The following CSRNP3 variants were observed in gnomAD, a reference collection of about 807,000 sequenced individuals.
CSRNP3 encodes the protein cysteine and serine rich nuclear protein 3.
Under a neutral mutation model 48.0 loss-of-function variants are expected in CSRNP3, and 12 were observed. The ratio of observed to expected loss-of-function variants is 0.25; its 90% CI spans 0.16 to 0.41. The LOEUF (loss-of-function observed/expected upper bound fraction) is 0.41. CSRNP3 is among the 10% of genes least tolerant of loss of function. The pLI is 1.00. For missense variants in CSRNP3, 580 were observed against 724.4 expected (o/e 0.80, Z 2.29); for synonymous variants, 263 against 269.7 (o/e 0.98, Z 0.24).
At chr2:165,665,572 G>A (rs573451405) in intron 5 of CSRNP3, among the ~76,000 whole-genome samples, 2 of 152,154 alleles carry the variant, frequency 1.3e-5, no homozygotes, top group African/African-American at 2.4e-5. Flanking sequence ...ACCAGCCTGG[G>A]CAACATAGTG....
intron 5 of CSRNP3, among the ~76,000 whole-genome samples, chr2:165,662,622 C>T (rs759062359): frequency 6.6e-5 from 10 of 152,164 alleles, no homozygotes; most frequent in Non-Finnish European, 1.3e-4. Flanking sequence ...TCCCAATTCA[C>T]ATGTATCTGT....
chr2:165,673,114 T>C (rs1394872214), intron 5 of CSRNP3, among the ~76,000 whole-genome samples: 1 of 138,650 alleles, frequency 7.2e-6, no homozygotes, highest in Non-Finnish European at 1.5e-5. Context: ...TGAGCAAGAG[T>C]GAAACAGTAT....
chr2:165,606,738 C>A (rs1686034311), intron 4 of CSRNP3, among the ~76,000 whole-genome samples: 1 of 152,036 alleles, frequency 6.6e-6, no homozygotes, highest in Non-Finnish European at 1.5e-5. Flanking sequence ...AATTGAATAG[C>A]CGGATGTACA....
Position 165,481,855 on chromosome 2 carries a change from C to T in CSRNP3, c.-283+12115C>T, listed in dbSNP as rs1266162840. ...CAGAAAACCAAATACCGCATGTTCT[C>T]ACTTTTAAGTGGGAGCTAAATACTG... On this transcript the variant is annotated intron_variant, in intron 1 of 6. Transcript: ENST00000651982. 2.0e-5 allele frequency among the ~76,000 whole-genome samples: 3 copies of T among 152,108 alleles called. No homozygotes were observed. In the East Asian group the frequency reaches 5.8e-4, roughly 29 times the overall value.
intron 4 of CSRNP3, among the ~76,000 whole-genome samples, chr2:165,619,771 C>T (rs1686309789): frequency 6.6e-6 from 1 of 152,092 alleles, no homozygotes. Flanking sequence ...ATATAACCAC[C>T]TAAGTCAGAG....
chr2:165,478,031 G>A (rs1412239056), intron 1 of CSRNP3, among the ~76,000 whole-genome samples: 1 of 134,616 alleles, frequency 7.4e-6, no homozygotes, highest in Non-Finnish European at 1.7e-5. Flanking sequence ...AGAGAGAGAG[G>A]GAAAGGAAGG....
chr2:165,599,283 G>GAGAGAAAGAAAGAAAGAAAGAA lies in CSRNP3; in HGVS notation c.148+4073_148+4074insGAAAGAAAGAAAGAAAGAAAGA, dbSNP rs1553478328. On this transcript the variant is annotated intron_variant, in intron 4 of 6. Transcript: ENST00000651982. ...AAAGAAAAAGAAAGAAAGAGAGAGA[G>GAGAGAAAGAAAGAAAGAAAGAA]AGAAAGAAAGAAAGAAAGAAAGAAA... 5.7e-5 allele frequency among the ~76,000 whole-genome samples: 6 copies of GAGAGAAAGAAAGAAAGAAAGAA among 104,834 alleles called. No individual in the cohort carries two copies. The East Asian group carries it at 1.3e-3, about 23-fold the overall frequency. 68.8% of individuals were successfully genotyped at this position (104,834 alleles called of 152,430 possible). A position where few individuals can be genotyped will look rare whatever the true frequency, so the allele number is the denominator to read the frequency against.
intron 5 of CSRNP3, among the ~76,000 whole-genome samples, chr2:165,663,245 A>G (rs1687125871): frequency 1.3e-5 from 2 of 152,172 alleles, no homozygotes; most frequent in Non-Finnish European, 2.9e-5. Flanking sequence ...GTTATTAACT[A>G]TTTCCCCATA....
At position 165,540,660 on chromosome 2, in the gene CSRNP3, GT is replaced by G. The variant is rs1484850776; in HGVS notation, c.-24+22701del. ...TGATCTTTCCCATTTTATGGCACCAGTTCTTTTTTTTCCCCAGGAATCCCTG... is the reference window on the plus strand; with the variant it reads ...TGATCTTTCCCATTTTATGGCACCAGTCTTTTTTTTCCCCAGGAATCCCTG... On this transcript the variant is annotated intron_variant, in intron 3 of 6. Transcript: ENST00000651982. Among the ~76,000 whole-genome samples, 4 of 65,906 alleles carry G rather than the reference GT, an allele frequency of 6.1e-5. No individual in the cohort carries two copies. In the East Asian group the frequency reaches 1.5e-3, roughly 24 times the overall value. 43.2% of individuals were successfully genotyped at this position (65,906 alleles called of 152,430 possible).
At chr2:165,662,010 G>A (rs1196501760) in intron 5 of CSRNP3, among the ~76,000 whole-genome samples, 1 of 151,918 alleles carries the variant, frequency 6.6e-6, no homozygotes, top group Non-Finnish European at 1.5e-5. Flanking sequence ...TCCAAATAGA[G>A]AACACATTTA....
At chr2:165,651,276 G>A (rs1686898179) in intron 4 of CSRNP3, among the ~76,000 whole-genome samples, 1 of 152,164 alleles carries the variant, frequency 6.6e-6, no homozygotes, top group Non-Finnish European at 1.5e-5. Context: ...AAATAAAATT[G>A]ACAAGTCAGG....
At chr2:165,630,493 A>C (rs571014147) in intron 4 of CSRNP3, among the ~76,000 whole-genome samples, 7 of 152,278 alleles carry the variant, frequency 4.6e-5, no homozygotes, top group African/African-American at 1.4e-4. Context: ...CATGGCATTA[A>C]CTGCAGTGAG....
chr2:165,657,864 G>T lies in CSRNP3; in HGVS notation c.252G>T (p.Val84=). The T allele has an allele frequency of 1.2e-6, 2 of 1,614,088 alleles. No individual in the cohort carries two copies. The highest frequency in any genetic ancestry group is 8.5e-7 in the Non-Finnish European group (1 of 1,180,016). ...YFTRRQGFTS[V]PSQGGSTLGM... Reference sequence around the variant, plus strand: ...CCAGGAGGCAAGGCTTCACAAGTGTGCCCAGTCAAGGGGGAAGCACCCTGG... The same window carrying T: ...CCAGGAGGCAAGGCTTCACAAGTGTTCCCAGTCAAGGGGGAAGCACCCTGG... The change falls in exon 5 of 7, where the codon GTG becomes GTT. Residue 84 remains valine, a synonymous_variant. Coordinates refer to ENST00000651982, the MANE Select transcript of CSRNP3 (RefSeq NM_001172173.2).
intron 5 of CSRNP3, 91 bp downstream of exon 5, chr2:165,658,111 A>AC: frequency 7.2e-7 from 1 of 1,397,608 alleles, no homozygotes; most frequent in South Asian, 1.4e-5. Context: ...CACGAAACAA[A>AC]CTGGGCACTT....
At chr2:165,624,014 C>G (rs1057335018) in intron 4 of CSRNP3, among the ~76,000 whole-genome samples, 2 of 152,088 alleles carry the variant, frequency 1.3e-5, no homozygotes, top group African/African-American at 4.8e-5. Context: ...TTTCTCTTAT[C>G]GCTCCCACTC....
At chr2:165,559,803 T>TC (rs1391898942) in intron 3 of CSRNP3, among the ~76,000 whole-genome samples, 2 of 138,330 alleles carry the variant, frequency 1.4e-5, no homozygotes, top group African/African-American at 2.7e-5. Context: ...TTTCTTTTTT[T>TC]TTTTTTTTTT....
chr2:165,613,544 G>A (rs1392365633), intron 4 of CSRNP3, among the ~76,000 whole-genome samples: 1 of 152,152 alleles, frequency 6.6e-6, no homozygotes, highest in African/African-American at 2.4e-5. Flanking sequence ...TTATGTTTAA[G>A]TCTTTAATTC....
chr2:165,652,286 C>T (rs557098122), intron 4 of CSRNP3, among the ~76,000 whole-genome samples: 2 of 151,658 alleles, frequency 1.3e-5, no homozygotes, highest in South Asian at 2.1e-4. Flanking sequence ...CTGAGGCAGG[C>T]GGATCATGCG....
intron 3 of CSRNP3, among the ~76,000 whole-genome samples, chr2:165,576,623 A>C (rs972607498): frequency 1.3e-5 from 2 of 152,050 alleles, no homozygotes; most frequent in Non-Finnish European, 2.9e-5. Context: ...AATATCCTGG[A>C]TAATTTATGT....
Sources: gnomAD v4.1 joint callset for allele counts (sites outside exome capture counted in the v4.1 genomes callset) on GRCh38, gnomAD v4.1.1 for gene constraint, MANE v1.5 for transcripts, NCBI Gene and HGNC (gene_info 2026-07-23, HGNC 2026-07-21) for gene names.